Variants in FAM178B observed in about 807,000 individuals in gnomAD.
FAM178B encodes the protein protein FAM178B.
Under a neutral mutation model 91.7 loss-of-function variants are expected in FAM178B, and 82 were observed. The observed-to-expected ratio is 0.89, with a 90% CI of 0.75 to 1.07. FAM178B has a LOEUF of 1.07. Among genes scored for constraint, FAM178B ranks in the 50% least tolerant of loss-of-function variants. The pLI, the probability that FAM178B is intolerant of heterozygous loss-of-function variation, is 0.00. For missense variants in FAM178B, 769 were observed against 846.7 expected (o/e 0.91, Z 1.14); for synonymous variants, 368 against 359.4 (o/e 1.02, Z -0.27).
chr2:96,963,252 A>G (rs1450887626), intron 5 of FAM178B, among the ~76,000 whole-genome samples: 1 of 152,230 alleles, frequency 6.6e-6, no homozygotes, highest in Admixed American at 6.5e-5. Flanking sequence ...AGATTTTTAA[A>G]AAGGTTTTAA....
At position 96,967,517 on chromosome 2, in the gene FAM178B, C is replaced by T. The variant is rs1328088424; in HGVS notation, c.734+3G>A. 1.9e-6 allele frequency: 3 copies of T among 1,539,316 alleles called. No individual in the cohort carries two copies. Among genetic ancestry groups the T allele is most frequent in the Non-Finnish European group, 2.6e-6 (3 of 1,137,816 alleles). On this transcript the variant is annotated splice_donor_region_variant and intron_variant, in intron 5 of 16. Coordinates refer to ENST00000490605, the MANE Select transcript of FAM178B (RefSeq NM_001122646.3). Reference sequence around the variant, plus strand: ...AGGCTGGTGCCAGGCCCCTGCCCCTCACCTGTGCTCGGGTGTGAGTGGCAC... The same window carrying T: ...AGGCTGGTGCCAGGCCCCTGCCCCTTACCTGTGCTCGGGTGTGAGTGGCAC...
chr2:96,881,352 C>T (rs763500964), intron 14 of FAM178B, among the ~76,000 whole-genome samples: 49 of 151,302 alleles, frequency 3.2e-4, no homozygotes, highest in Non-Finnish European at 6.9e-4. Context: ...GCAGGGGATG[C>T]CGAAGAAAAC....
rs115569399 is a variant in FAM178B at position 96,982,882 on chromosome 2, A to C, written c.73+3359T>G. On this transcript the variant is annotated intron_variant, in intron 1 of 16. Coordinates refer to ENST00000490605, the MANE Select transcript of FAM178B (RefSeq NM_001122646.3). ...GGCGTGAGCCACTGCACCCAGTCTA[A>C]TTTATTTTATTTTAGAGATATAGTC... Among the ~76,000 whole-genome samples the C allele has an allele frequency of 1.3e-3, 200 of 149,332 alleles. 1 individual carries two copies. Among genetic ancestry groups the C allele is most frequent in the African/African-American group, 4.7e-3 (189 of 40,310 alleles).
At chr2:96,928,731 G>A (rs181806171) in intron 9 of FAM178B, among the ~76,000 whole-genome samples, 2 of 152,280 alleles carry the variant, frequency 1.3e-5, no homozygotes, top group East Asian at 3.9e-4. Context: ...CCATCTCCCT[G>A]AGGCTGGGAG....
At chr2:96,942,549 T>C (rs1019767740) in intron 8 of FAM178B, among the ~76,000 whole-genome samples, 1 of 152,150 alleles carries the variant, frequency 6.6e-6, no homozygotes, top group African/African-American at 2.4e-5. Context: ...CCTGCCACCA[T>C]GCCCGGCTAA....
rs1315027994 is a variant in FAM178B at position 96,967,627 on chromosome 2, C to T, written c.627G>A (p.Arg209=). The T allele has an allele frequency of 6.5e-7, 1 of 1,546,748 alleles. No individual in the cohort carries two copies. Among genetic ancestry groups the T allele is most frequent in the South Asian group, 1.2e-5 (1 of 83,982 alleles). Residue 209 remains arginine (R), a splice_region_variant and synonymous_variant, in exon 5 of 17, where the codon AGG becomes AGA. Coordinates refer to ENST00000490605, the MANE Select transcript of FAM178B (RefSeq NM_001122646.3). ...NNLDYLLQEK[R]EQALEQERER... is the part of the protein sequence containing the mutation. Reference sequence around the variant, plus strand: ...CTCGCTCCTGCTCCAGGGCCTGTTCCCTATAGGAAGTCGAGGGCCAGAGCC... The same window carrying T: ...CTCGCTCCTGCTCCAGGGCCTGTTCTCTATAGGAAGTCGAGGGCCAGAGCC...
At chr2:96,959,094 G>C (rs1011543427) in intron 6 of FAM178B, among the ~76,000 whole-genome samples, 2 of 150,942 alleles carry the variant, frequency 1.3e-5, no homozygotes, top group Admixed American at 6.6e-5. Context: ...AGCTACTCAG[G>C]AGGCTGAGGC....
At chr2:96,975,474 T>C (rs2082277148) in intron 1 of FAM178B, among the ~76,000 whole-genome samples, 1 of 152,236 alleles carries the variant, frequency 6.6e-6, no homozygotes, top group South Asian at 2.1e-4. Flanking sequence ...GGGGTACATT[T>C]GATAATTTAA....
chr2:96,945,339 C>T (rs1387958442), intron 8 of FAM178B, among the ~76,000 whole-genome samples: 1 of 151,222 alleles, frequency 6.6e-6, no homozygotes, highest in African/African-American at 2.4e-5. Context: ...TAGAGCACAC[C>T]CGTAATAGTC....
chr2:96,976,023 C>T (rs1037930512), intron 1 of FAM178B, among the ~76,000 whole-genome samples: 6 of 152,136 alleles, frequency 3.9e-5, no homozygotes, highest in African/African-American at 1.2e-4. Flanking sequence ...CAGCAGAATA[C>T]ACATTCTTCC....
Position 96,947,916 on chromosome 2 carries a change from A to C in FAM178B, c.994-14T>G, listed in dbSNP as rs1447992649. 1 of 1,386,138 alleles carries C rather than the reference A, an allele frequency of 7.2e-7. No homozygotes were observed. The highest frequency in any genetic ancestry group is 1.5e-5 in the African/African-American group (1 of 67,116). The allele number at this position is 1,386,138 out of a possible 1,614,324, so 85.9% of individuals were successfully genotyped here. A position where few individuals can be genotyped will look rare whatever the true frequency, so the allele number is the denominator to read the frequency against. The stretch of plus-strand genomic sequence containing the variant: ...CCATGTCAGCAGCTAGGTGGAAAAA[A>C]AAAACAAAAACAAAAACCTGGTGAG... On this transcript the variant is annotated splice_polypyrimidine_tract_variant and intron_variant, in intron 7 of 16. Transcript: ENST00000490605.
intron 13 of FAM178B, among the ~76,000 whole-genome samples, chr2:96,900,240 T>G (rs571341519): frequency 2.0e-5 from 3 of 152,288 alleles, no homozygotes; most frequent in Admixed American, 2.0e-4. Context: ...AACTGCTGGC[T>G]GTTCCCAGCA....
In FAM178B at chr2:96,972,085, C is replaced by G; in HGVS notation, c.380G>C (p.Arg127Pro). The G allele has an allele frequency of 6.5e-7, 1 of 1,533,492 alleles. No homozygotes were observed. Among genetic ancestry groups the G allele is most frequent in the Admixed American group, 2.0e-5 (1 of 48,818 alleles). The allele number at this position is 1,533,492 out of a possible 1,614,324, so 95.0% of individuals were successfully genotyped here. A position where few individuals can be genotyped will look rare whatever the true frequency, so the allele number is the denominator to read the frequency against. Residue 127 changes from arginine to proline, a missense_variant, in exon 3 of 17, where the codon CGG (arginine) becomes CCG (proline). Physicochemically the swap from Arg to Pro is moderately radical, Grantham distance 103. Transcript: ENST00000490605. The part of the protein sequence containing the change: ...FLNPRVLQAS[R>P]EAPAQRWVGV... ...CACCCACCTCTGGGCCGGGGCCTCC[C>G]GACTGGCCTGCAGCACCCTCGGGTT...
At chr2:96,948,132 C>T (rs1160785511) in intron 7 of FAM178B, among the ~76,000 whole-genome samples, 1 of 152,234 alleles carries the variant, frequency 6.6e-6, no homozygotes. Context: ...AAAGCCAGCA[C>T]TCAGGCCCAG....
intron 1 of FAM178B, among the ~76,000 whole-genome samples, chr2:96,981,777 G>A (rs1164812789): frequency 6.9e-6 from 1 of 145,818 alleles, no homozygotes; most frequent in Non-Finnish European, 1.5e-5. Flanking sequence ...GAAAGAAACT[G>A]TCCTCTAGGC....
chr2:96,986,533 G>C lies in FAM178B; in HGVS notation c.-220C>G. Reference sequence around the variant, plus strand: ...GTTCCGACTCCAAACCAAGCGGCCAGCTCACAGCCGCCGCCGCCGCCAGCT... The same window carrying C: ...GTTCCGACTCCAAACCAAGCGGCCACCTCACAGCCGCCGCCGCCGCCAGCT... On this transcript the variant is annotated 5_prime_UTR_variant, in exon 1 of 17. Transcript: ENST00000490605. 2 of 568,248 alleles carry C rather than the reference G, an allele frequency of 3.5e-6. No homozygotes were observed. Among genetic ancestry groups the C allele is most frequent in the South Asian group, 2.1e-5 (1 of 47,350 alleles). The allele number at this position is 568,248 out of a possible 1,614,324, so 35.2% of individuals were successfully genotyped here. A position where few individuals can be genotyped will look rare whatever the true frequency, so the allele number is the denominator to read the frequency against.
rs74808473 is a variant in FAM178B at position 96,891,674 on chromosome 2, C to T, written c.1776+2252G>A. 3.3e-5 allele frequency among the ~76,000 whole-genome samples: 5 copies of T among 152,324 alleles called. No individual in the cohort carries two copies. In the East Asian group the frequency reaches 7.7e-4, roughly 23 times the overall value. On this transcript the variant is annotated intron_variant, in intron 14 of 16. Coordinates refer to ENST00000490605, the MANE Select transcript of FAM178B (RefSeq NM_001122646.3). ...TGCCCTGGACACCAACAGCAGCTCT[C>T]TCAGCCTCTTCCCAGAGGGAGAGGC...
chr2:96,876,461 G>A (rs957019393), intron 16 of FAM178B, among the ~76,000 whole-genome samples, 153 bp from the exon 17 acceptor site: 4 of 152,198 alleles, frequency 2.6e-5, no homozygotes, highest in South Asian at 4.1e-4. Flanking sequence ...CACTACTGGC[G>A]AGGACACAGC....
At chr2:96,897,184 C>CT (rs1386434851) in intron 13 of FAM178B, among the ~76,000 whole-genome samples, 1 of 152,120 alleles carries the variant, frequency 6.6e-6, no homozygotes, top group African/African-American at 2.4e-5. Context: ...AATTTACTTG[C>CT]TTTTTATCAC....
Sources: allele counts gnomAD v4.1 joint callset (sites outside exome capture counted in the v4.1 genomes callset), GRCh38; gene constraint gnomAD v4.1.1; transcripts MANE v1.5; gene names NCBI Gene and HGNC (gene_info 2026-07-23, HGNC 2026-07-21).